The following MACROD2 variants were observed in gnomAD, a reference collection of about 807,000 sequenced individuals.
MACROD2 encodes ADP-ribose glycohydrolase MACROD2.
In MACROD2, 36 loss-of-function variants were observed where a neutral mutation model predicts 70.4. The observed-to-expected ratio is 0.51, with a 90% CI of 0.39 to 0.68. The LOEUF is 0.68. MACROD2 is among the 30% of genes least tolerant of loss of function. The probability of loss-of-function intolerance (pLI) is 0.00; values close to 1 mark genes in which losing one functional copy is unlikely to be tolerated. For synonymous variants in MACROD2, 172 were observed against 178.8 expected, an observed-to-expected ratio of 0.96 and a Z score of 0.30; for missense variants, 496 against 538.4, an observed-to-expected ratio of 0.92 and a Z score of 0.78.
At chr20:15,488,832 C>T (rs1243284706) in intron 7 of MACROD2, among the ~76,000 whole-genome samples, 1 of 152,186 alleles carries the variant, frequency 6.6e-6, no homozygotes, top group African/African-American at 2.4e-5. Flanking sequence ...CCAGGTGATT[C>T]TATGAGATCT....
intron 7 of MACROD2, among the ~76,000 whole-genome samples, chr20:15,469,934 C>T (rs897831019): frequency 4.6e-5 from 7 of 152,288 alleles, no homozygotes; most frequent in South Asian, 4.1e-4. Context: ...GCAATTTGCT[C>T]TAGGCCTCAC....
At chr20:15,423,417 G>T (rs139000583) in intron 6 of MACROD2, among the ~76,000 whole-genome samples, 18 of 152,062 alleles carry the variant, frequency 1.2e-4, no homozygotes, top group Admixed American at 5.2e-4. Flanking sequence ...TATCATCAGC[G>T]GGATGAAGAA....
At chr20:15,481,985 T>C (rs1014196708) in intron 7 of MACROD2, among the ~76,000 whole-genome samples, 6 of 152,138 alleles carry the variant, frequency 3.9e-5, no homozygotes, top group Non-Finnish European at 7.4e-5. Context: ...TTGTGAATCA[T>C]TATTTATTTT....
At chr20:15,600,754 G>C (rs903962758) in intron 8 of MACROD2, among the ~76,000 whole-genome samples, 1 of 152,178 alleles carries the variant, frequency 6.6e-6, no homozygotes, top group African/African-American at 2.4e-5. Context: ...GCAATCAGCA[G>C]GTTTGTGGAG....
At chr20:15,369,620 C>G (rs2045462654) in intron 6 of MACROD2, among the ~76,000 whole-genome samples, 1 of 152,244 alleles carries the variant, frequency 6.6e-6, no homozygotes, top group Non-Finnish European at 1.5e-5. Flanking sequence ...GATTACATAG[C>G]TACAAAACCC....
At chr20:15,728,953 G>C (rs2050903833) in intron 8 of MACROD2, among the ~76,000 whole-genome samples, 1 of 151,916 alleles carries the variant, frequency 6.6e-6, no homozygotes, top group Non-Finnish European at 1.5e-5. Context: ...TCTTTCTCTA[G>C]CTCCTCTGAG....
intron 3 of MACROD2, among the ~76,000 whole-genome samples, chr20:14,107,095 C>T (rs2054379316): frequency 6.6e-6 from 1 of 152,148 alleles, no homozygotes; most frequent in South Asian, 2.1e-4. Flanking sequence ...GATATGTGAC[C>T]TTTCAGACAG....
chr20:16,006,455 G>A (rs1053034704), intron 15 of MACROD2, among the ~76,000 whole-genome samples: 4 of 152,134 alleles, frequency 2.6e-5, no homozygotes, highest in Non-Finnish European at 5.9e-5. Flanking sequence ...ACACAGATTT[G>A]CACCCTACCT....
intron 5 of MACROD2, among the ~76,000 whole-genome samples, chr20:14,835,426 A>T (rs2073018868): frequency 6.6e-6 from 1 of 152,106 alleles, no homozygotes; most frequent in Admixed American, 6.6e-5. Flanking sequence ...TTTAGAGGAA[A>T]GTTGGCATCA....
chr20:15,577,563 A>G (rs73897692), intron 8 of MACROD2, among the ~76,000 whole-genome samples: 5,520 of 152,058 alleles, frequency 0.036, 204 homozygotes, highest in African/African-American at 0.086. Flanking sequence ...AAAAACCACT[A>G]TTTGTAACAT....
At chr20:15,412,886 A>G (rs2046097223) in intron 6 of MACROD2, among the ~76,000 whole-genome samples, 1 of 152,228 alleles carries the variant, frequency 6.6e-6, no homozygotes, top group South Asian at 2.1e-4. Flanking sequence ...TATCATAGGG[A>G]GTCATTACAT....
intron 3 of MACROD2, among the ~76,000 whole-genome samples, chr20:14,096,460 C>T (rs2054228138): frequency 6.6e-6 from 1 of 151,254 alleles, no homozygotes; most frequent in Non-Finnish European, 1.5e-5. Flanking sequence ...TCCTCCTCCC[C>T]AGTTCGAGGG....
intron 5 of MACROD2, among the ~76,000 whole-genome samples, chr20:15,051,842 C>T (rs2075444427): frequency 6.6e-6 from 1 of 151,552 alleles, no homozygotes. Flanking sequence ...ACTTCCACCT[C>T]CCAGGTTCAA....
At chr20:14,493,404 TC>T (rs1434210392) in intron 3 of MACROD2, 74 bp from the exon 4 acceptor site, 4 of 1,269,574 alleles carry the variant, frequency 3.2e-6, no homozygotes, top group Non-Finnish European at 3.4e-6. Flanking sequence ...ATTAGCTTTA[TC>T]TTGAATTACT....
At chr20:14,048,301 G>T (rs958034581) in intron 2 of MACROD2, among the ~76,000 whole-genome samples, 1 of 152,222 alleles carries the variant, frequency 6.6e-6, no homozygotes, top group African/African-American at 2.4e-5. Flanking sequence ...GTAACTAGAG[G>T]GGCAAGGAAG....
intron 7 of MACROD2, among the ~76,000 whole-genome samples, chr20:15,470,280 AC>A (rs2046947992): frequency 6.6e-6 from 1 of 152,010 alleles, no homozygotes; most frequent in Non-Finnish European, 1.5e-5. Flanking sequence ...CGATCTCCTG[AC>A]CCCATGATCT....
At chr20:15,542,132 G>T (rs1044146879) in intron 8 of MACROD2, among the ~76,000 whole-genome samples, 2 of 152,198 alleles carry the variant, frequency 1.3e-5, no homozygotes, top group African/African-American at 4.8e-5. Context: ...ATATCAGATA[G>T]TGCCTTCTAT....
At chr20:14,412,165 A>T (rs2083756868) in intron 3 of MACROD2, among the ~76,000 whole-genome samples, 1 of 152,182 alleles carries the variant, frequency 6.6e-6, no homozygotes. Context: ...CCAGTGAAGG[A>T]TGACACAGGT....
rs1284823939 is a variant in MACROD2, at chr20:15,794,398, C to T, written c.646-68347C>T. 4.6e-5 allele frequency among the ~76,000 whole-genome samples: 7 copies of T among 152,212 alleles called. No homozygotes were observed. The East Asian group carries it at 7.7e-4, about 17-fold the overall frequency. On this transcript the variant is annotated intron_variant, in intron 8 of 17. Transcript: ENST00000684519. ...TATGAAATAGCTAAAAATTTGAATC[C>T]CTGTCTTGCCAACCCTCATATCTTC...
Sources: gnomAD v4.1 joint callset for allele counts (sites outside exome capture counted in the v4.1 genomes callset) on GRCh38, gnomAD v4.1.1 for gene constraint, MANE v1.5 for transcripts, NCBI Gene and HGNC (gene_info 2026-07-23, HGNC 2026-07-21) for gene names.